TLE1: variants seen among roughly 807,000 people sequenced by gnomAD.
The protein encoded by TLE1 is transducin-like enhancer protein 1.
A neutral mutation model predicts 89.8 loss-of-function variants in TLE1; 21 were observed. That is an observed-to-expected ratio of 0.23 (90% CI 0.17 to 0.34). The LOEUF (loss-of-function observed/expected upper bound fraction) is 0.34, where lower values mean the gene tolerates loss of function less well. Ranked by LOEUF, TLE1 falls within the 10% of genes least tolerant of loss-of-function variation. The pLI is 1.00. For missense variants in TLE1, 795 were observed against 1,031.2 expected, an observed-to-expected ratio of 0.77 and a Z score of 3.14; for synonymous variants, 447 against 407.6, an observed-to-expected ratio of 1.10 and a Z score of -1.16.
chr9:81,660,934 A>AACACACACACACACACACACAC (rs548190067), intron 4 of TLE1, among the ~76,000 whole-genome samples: 1 of 88,816 alleles, frequency 1.1e-5, no homozygotes, highest in African/African-American at 4.3e-5. Flanking sequence ...ATCCCTACTA[A>AACACACACACACACACACACAC]ACACACACAC....
At chr9:81,635,332 C>A (rs1024655199) in intron 6 of TLE1, among the ~76,000 whole-genome samples, 1 of 152,138 alleles carries the variant, frequency 6.6e-6, no homozygotes, top group Non-Finnish European at 1.5e-5. Flanking sequence ...GGGACTCCAG[C>A]CAGCGAGCCA....
intron 4 of TLE1, among the ~76,000 whole-genome samples, chr9:81,658,188 T>C (rs986874455): frequency 6.6e-6 from 1 of 151,958 alleles, no homozygotes; most frequent in Non-Finnish European, 1.5e-5. Flanking sequence ...CTAGGATTTA[T>C]AATCCTAGCA....
chr9:81,632,538 A>G (rs10780524), intron 8 of TLE1, among the ~76,000 whole-genome samples: 31,166 of 150,158 alleles, frequency 0.21, 3,873 homozygotes, highest in East Asian at 0.51. Flanking sequence ...GTTCAGAAAG[A>G]AGGAGGCAAA....
intron 1 of TLE1, among the ~76,000 whole-genome samples, chr9:81,687,723 G>A (rs1156452844): frequency 2.0e-5 from 3 of 152,050 alleles, no homozygotes; most frequent in Non-Finnish European, 2.9e-5. Flanking sequence ...GGCGGCCAGG[G>A]AAGACCAGGC....
intron 4 of TLE1, among the ~76,000 whole-genome samples, chr9:81,666,079 C>T (rs1831425233): frequency 6.6e-6 from 1 of 152,100 alleles, no homozygotes; most frequent in South Asian, 2.1e-4. Context: ...TCCTAAATAG[C>T]ACATTTCCAT....
intron 8 of TLE1, among the ~76,000 whole-genome samples, chr9:81,631,835 G>A (rs971938071): frequency 6.6e-6 from 1 of 152,238 alleles, no homozygotes; most frequent in African/African-American, 2.4e-5. Flanking sequence ...GGGCATGGTG[G>A]CTCAGGCCTG....
At chr9:81,609,665 G>C (rs577099256) in intron 14 of TLE1, among the ~76,000 whole-genome samples, 4 of 152,154 alleles carry the variant, frequency 2.6e-5, no homozygotes, top group South Asian at 4.2e-4. Flanking sequence ...TATAATTCTA[G>C]ATCTCTTGGA....
chr9:81,641,092 G>C (rs1423948817), intron 6 of TLE1, among the ~76,000 whole-genome samples: 4 of 152,060 alleles, frequency 2.6e-5, no homozygotes, highest in African/African-American at 9.7e-5. Flanking sequence ...CTTTTAAGGG[G>C]ACAAAAACGT....
chr9:81,671,305 G>C (rs956761067), intron 4 of TLE1, among the ~76,000 whole-genome samples: 4 of 152,106 alleles, frequency 2.6e-5, no homozygotes, highest in African/African-American at 9.7e-5. Flanking sequence ...CTTGAGCCCT[G>C]GAGTTCAAGA....
intron 8 of TLE1, among the ~76,000 whole-genome samples, chr9:81,633,018 C>T (rs563821909): frequency 6.6e-6 from 1 of 152,086 alleles, no homozygotes; most frequent in Non-Finnish European, 1.5e-5. Context: ...TAGAATGCAA[C>T]CATTAACACT....
intron 4 of TLE1, among the ~76,000 whole-genome samples, chr9:81,667,053 G>GGTTTGGA (rs1831558310): frequency 1.3e-5 from 2 of 151,798 alleles, no homozygotes; most frequent in Non-Finnish European, 2.9e-5. Flanking sequence ...AGTAATCCTT[G>GGTTTGGA]GTTTGGAGTT....
At chr9:81,595,879 A>G (rs1428225959) in intron 14 of TLE1, among the ~76,000 whole-genome samples, 1 of 151,968 alleles carries the variant, frequency 6.6e-6, no homozygotes, top group Non-Finnish European at 1.5e-5. Context: ...GATTTAAAGG[A>G]TGGTGTTTAA....
At chr9:81,661,190 A>T (rs4877672) in intron 4 of TLE1, among the ~76,000 whole-genome samples, 2 of 81,558 alleles carry the variant, frequency 2.5e-5, no homozygotes, top group Non-Finnish European at 4.8e-5. Flanking sequence ...ATGTATTTTT[A>T]TATATATATG....
intron 8 of TLE1, among the ~76,000 whole-genome samples, chr9:81,627,264 C>G (rs982653068): frequency 6.6e-6 from 1 of 150,926 alleles, no homozygotes; most frequent in African/African-American, 2.4e-5. Context: ...TTTCTAATTA[C>G]AGAGCACAAA....
intron 18 of TLE1, among the ~76,000 whole-genome samples, chr9:81,584,750 G>C (rs1466312779): frequency 6.6e-6 from 1 of 152,048 alleles, no homozygotes; most frequent in Non-Finnish European, 1.5e-5. Flanking sequence ...ACTGGATACA[G>C]GACTAGTAGC....
intron 6 of TLE1, among the ~76,000 whole-genome samples, chr9:81,645,879 T>C (rs1828799198): frequency 6.6e-6 from 1 of 152,214 alleles, no homozygotes; most frequent in Non-Finnish European, 1.5e-5. Context: ...ATACACCTAG[T>C]ACACACAAAA....
Position 81,584,521 on chromosome 9 carries a change from T to G in TLE1, c.2132A>C (p.Lys711Thr). Reference protein sequence around the residue: ...VLSLKFAYCGKWFVSTGKDNL... With the variant: ...VLSLKFAYCGTWFVSTGKDNL... The stretch of plus-strand genomic sequence containing the variant: ...ATCTTTTCCAGTACTCACAAACCAT[T>G]TACCTAGAATTAGCAAAGGAATATC... The change falls in exon 19 of 20, where the codon AAA becomes ACA. Residue 711 changes from lysine (K) to threonine (T), a missense_variant. Coordinates refer to ENST00000376499, the MANE Select transcript of TLE1 (RefSeq NM_005077.5). 1 of 1,613,996 alleles carries G rather than the reference T, an allele frequency of 6.2e-7. No homozygotes were observed. Among genetic ancestry groups the G allele is most frequent in the Non-Finnish European group, 8.5e-7 (1 of 1,179,978 alleles).
chr9:81,587,732 G>A lies in TLE1; in HGVS notation c.1926C>T (p.Ser642=). Reference sequence around the variant, plus strand: ...GCTGCCGCCCCTCGCGCAGGTCCCAGGACCTGACTGTGTTGTCCAAACCAC... The same window carrying A: ...GCTGCCGCCCCTCGCGCAGGTCCCAAGACCTGACTGTGTTGTCCAAACCAC... The part of the protein sequence containing the change: ...WTGGLDNTVR[S]WDLREGRQLQ... Residue 642 remains serine, a synonymous_variant, in exon 17 of 20, where the codon TCC becomes TCT. Transcript: ENST00000376499. 6 of 1,614,172 alleles carry A rather than the reference G, an allele frequency of 3.7e-6. No homozygotes were observed. The highest frequency in any genetic ancestry group is 5.1e-6 in the Non-Finnish European group (6 of 1,180,038).
Position 81,611,754 on chromosome 9 carries a change from C to A in TLE1, c.1254+15G>T, listed in dbSNP as rs370774622. On this transcript the variant is annotated intron_variant, in intron 13 of 19. Coordinates refer to ENST00000376499, the MANE Select transcript of TLE1 (RefSeq NM_005077.5). ...CGTTCCTACCCCAACCACAGCCCAC[C>A]CGACAGCGGCCTACCATGGGGGAGC... 1.3e-6 allele frequency: 2 copies of A among 1,500,988 alleles called. No homozygotes were observed. The highest frequency in any genetic ancestry group is 1.5e-5 in the African/African-American group (1 of 68,078). The allele number at this position is 1,500,988 out of a possible 1,614,324, so 93.0% of individuals were successfully genotyped here.
Sources: gnomAD v4.1 joint callset for allele counts (sites outside exome capture counted in the v4.1 genomes callset) on GRCh38, gnomAD v4.1.1 for gene constraint, MANE v1.5 for transcripts, NCBI Gene and HGNC (gene_info 2026-07-23, HGNC 2026-07-21) for gene names.